Variants in MUTYH observed in about 807,000 individuals in gnomAD.
MUTYH encodes the protein mutY DNA glycosylase.
Under a neutral mutation model 72.9 loss-of-function variants are expected in MUTYH, and 64 were observed. The observed-to-expected ratio is 0.88, with a 90% CI of 0.72 to 1.08. The LOEUF (loss-of-function observed/expected upper bound fraction) is 1.08. Ranked by LOEUF, MUTYH falls within the 50% of genes least tolerant of loss-of-function variation. The pLI, the probability that MUTYH is intolerant of heterozygous loss-of-function variation, is 0.00. For synonymous variants in MUTYH, 234 were observed against 263.1 expected (o/e 0.89, Z 1.07); for missense variants, 633 against 671.0 (o/e 0.94, Z 0.63).
chr1:45,340,211 C>T (rs1060504202), upstream of MUTYH: 1 of 1,613,756 alleles, frequency 6.2e-7, no homozygotes, highest in Non-Finnish European at 8.5e-7. Flanking sequence ...ACCGCAAGTC[C>T]AGCGTACCCA....
chr1:45,339,956 G>A lies in MUTYH; in HGVS notation c.-64C>T, dbSNP rs1361288534. ...CGGAGGCCCCGCGTTCCCGCCGCGA[G>A]AGCAGGAGAGAAAGATTACCTCCCG... On this transcript the variant is annotated 5_prime_UTR_variant, in exon 1 of 16. Transcript: ENST00000456914. The A allele has an allele frequency of 6.6e-7, 1 of 1,504,864 alleles. No homozygotes were observed. The highest frequency in any genetic ancestry group is 2.7e-5 in the East Asian group (1 of 37,008). 93.2% of individuals were successfully genotyped at this position (1,504,864 alleles called of 1,614,324 possible).
intron 1 of MUTYH, chr1:45,338,053 A>T: frequency 1.9e-5 from 9 of 471,552 alleles, no homozygotes; most frequent in South Asian, 1.4e-4. Flanking sequence ...AAAGGCCCCA[A>T]GGAGGGTGCC....
intron 15 of MUTYH, 146 bp downstream of exon 15, chr1:45,330,370 G>T: frequency 1.1e-6 from 1 of 943,598 alleles, no homozygotes; most frequent in Non-Finnish European, 1.7e-6. Flanking sequence ...ACCCCACAAT[G>T]GAAGGTCTCC....
At position 45,332,483 on chromosome 1, in the gene MUTYH, G is replaced by A. The variant is rs780747266; in HGVS notation, c.612C>T (p.Thr204=). 59 of 1,613,910 alleles carry A rather than the reference G, an allele frequency of 3.7e-5. No individual in the cohort carries two copies. The highest frequency in any genetic ancestry group is 1.6e-4 in the Middle Eastern group (1 of 6,084). The part of the protein sequence containing the change: ...AIASIAFGQA[T]GVVDGNVARV... ...GTGCTACGTTGCCATCCACCACACC[G>A]GTTGCCTGGCACAGAGGGGCCAAAG... Residue 204 remains threonine (T), a synonymous_variant, in exon 9 of 16, where the codon ACC becomes ACT. Transcript: ENST00000456914.
chr1:45,330,320 G>A (rs905725793), intron 15 of MUTYH, among the ~76,000 whole-genome samples, 196 bp downstream of exon 15: 3 of 151,060 alleles, frequency 2.0e-5, no homozygotes, highest in Non-Finnish European at 2.9e-5. Flanking sequence ...CTGTGACACT[G>A]GAGAGTCCTC....
Position 45,332,018 on chromosome 1 carries a change from C to T in MUTYH, c.913+5G>A, listed in dbSNP as rs1553127245. 1 of 1,614,202 alleles carries T rather than the reference C, an allele frequency of 6.2e-7. No homozygotes were observed. The highest frequency in any genetic ancestry group is 8.5e-7 in the Non-Finnish European group (1 of 1,180,020). ...GTTGGGGTGGGGGCTAGGTTTGGTGCTCACCACACTCCTCCACGTCAGGAC... is the reference window on the plus strand; with the variant it reads ...GTTGGGGTGGGGGCTAGGTTTGGTGTTCACCACACTCCTCCACGTCAGGAC... On this transcript the variant is annotated splice_donor_5th_base_variant and intron_variant, in intron 11 of 15. Coordinates refer to ENST00000456914, the MANE Select transcript of MUTYH (RefSeq NM_001048174.2).
At chr1:45,330,216 G>C (rs2149098666) in intron 15 of MUTYH, 1 of 314,434 alleles carries the variant, frequency 3.2e-6, no homozygotes. Flanking sequence ...TTGGGTGACA[G>C]TGAGACTGTC....
chr1:45,329,263 T>C lies in MUTYH; in HGVS notation c.*43A>G. 1 of 1,613,386 alleles carries C rather than the reference T, an allele frequency of 6.2e-7. No homozygotes were observed. The highest frequency in any genetic ancestry group is 8.5e-7 in the Non-Finnish European group (1 of 1,179,378). On this transcript the variant is annotated 3_prime_UTR_variant, in exon 16 of 16. Coordinates refer to ENST00000456914, the MANE Select transcript of MUTYH (RefSeq NM_001048174.2). ...AAAATAACTACAAAAATAAGCACTT[T>C]ACTAACAACAGGATTCTCAGGGAAT...
chr1:45,332,147 C>T lies in MUTYH; in HGVS notation c.849+19G>A. The T allele has an allele frequency of 6.2e-7, 1 of 1,614,206 alleles. No homozygotes were observed. The highest frequency in any genetic ancestry group is 8.5e-7 in the Non-Finnish European group (1 of 1,180,042). On this transcript the variant is annotated intron_variant, in intron 10 of 15. Coordinates refer to ENST00000456914, the MANE Select transcript of MUTYH (RefSeq NM_001048174.2). Reference sequence around the variant, plus strand: ...TCACTCCTTAGGACTTCTCACTGCCCCTTCCCCAGTAGGCTTACTCTCTGG... The same window carrying T: ...TCACTCCTTAGGACTTCTCACTGCCTCTTCCCCAGTAGGCTTACTCTCTGG...
Position 45,339,797 on chromosome 1 carries a change from A to C in MUTYH, c.-7+102T>G, listed in dbSNP as rs1352733854. 3.1e-6 allele frequency: 4 copies of C among 1,276,642 alleles called. No homozygotes were observed. In the East Asian group the frequency reaches 1.6e-4, roughly 52 times the overall value. 79.1% of individuals were successfully genotyped at this position (1,276,642 alleles called of 1,614,324 possible). A position where few individuals can be genotyped will look rare whatever the true frequency, so the allele number is the denominator to read the frequency against. On this transcript the variant is annotated intron_variant, in intron 1 of 15. Coordinates refer to ENST00000456914, the MANE Select transcript of MUTYH (RefSeq NM_001048174.2). Reference sequence around the variant, plus strand: ...CCCAGAACGCCCTTCTTTCCCCCACACGACCCTCTCCTAGTCTAACTCCTG... The same window carrying C: ...CCCAGAACGCCCTTCTTTCCCCCACCCGACCCTCTCCTAGTCTAACTCCTG...
At chr1:45,336,539 C>T (rs567785610) in intron 1 of MUTYH, among the ~76,000 whole-genome samples, 2 of 152,158 alleles carry the variant, frequency 1.3e-5, no homozygotes, top group African/African-American at 2.4e-5. Context: ...ATCTCCCCCC[C>T]ACCCTTAAGA....
chr1:45,340,099 C>A, upstream of MUTYH: 2 of 1,551,074 alleles, frequency 1.3e-6, no homozygotes, highest in South Asian at 1.2e-5. Flanking sequence ...GCTGCCTTCC[C>A]CGCGCCGGAC....
chr1:45,337,161 TGGGATGGG>T (rs1646013998), intron 1 of MUTYH, among the ~76,000 whole-genome samples: 1 of 151,682 alleles, frequency 6.6e-6, no homozygotes. Context: ...TTTTTTTTTT[TGGGATGGG>T]GTCTCACTCT....
intron 14 of MUTYH, 130 bp from the exon 15 acceptor site, chr1:45,330,687 C>T (rs573405126): frequency 1.9e-4 from 209 of 1,111,990 alleles, no homozygotes; most frequent in East Asian, 2.9e-4. Flanking sequence ...TGGTGGCTCA[C>T]GCCTATAATC....
At chr1:45,334,072 T>C in intron 2 of MUTYH, 1 of 397,210 alleles carries the variant, frequency 2.5e-6, no homozygotes, top group East Asian at 5.8e-5. Context: ...AGTTGCATTA[T>C]CTTGACTCAG....
chr1:45,334,783 G>A (rs560931684), intron 1 of MUTYH, among the ~76,000 whole-genome samples: 3 of 152,236 alleles, frequency 2.0e-5, no homozygotes, highest in Non-Finnish European at 4.4e-5. Flanking sequence ...GGTCAAGGAT[G>A]AAAGCCTCCT....
rs1060501330 is a variant in MUTYH at position 45,330,560 on chromosome 1, A to G, written c.1393-3T>C. Reference sequence around the variant, plus strand: ...TGGCCCTGATACACACGGAAAACCTAGACAAGAAGACAGGGAGGTGAGGGC... The same window carrying G: ...TGGCCCTGATACACACGGAAAACCTGGACAAGAAGACAGGGAGGTGAGGGC... On this transcript the variant is annotated splice_polypyrimidine_tract_variant and splice_region_variant and intron_variant, in intron 14 of 15. Transcript: ENST00000456914. 2 of 1,607,572 alleles carry G rather than the reference A, an allele frequency of 1.2e-6. No individual in the cohort carries two copies. The highest frequency in any genetic ancestry group is 1.3e-5 in the African/African-American group (1 of 74,870).
upstream of MUTYH, chr1:45,340,138 A>T: frequency 6.3e-7 from 1 of 1,578,918 alleles, no homozygotes; most frequent in South Asian, 1.2e-5. Context: ...AGTTCGACCC[A>T]TCGGCGACCC....
Position 45,332,161 on chromosome 1 carries a change from C to G in MUTYH, c.849+5G>C, listed in dbSNP as rs2149136443. The G allele has an allele frequency of 6.2e-7, 1 of 1,614,194 alleles. No homozygotes were observed. The highest frequency in any genetic ancestry group is 8.5e-7 in the Non-Finnish European group (1 of 1,180,022). On this transcript the variant is annotated splice_donor_5th_base_variant and intron_variant, in intron 10 of 15. Coordinates refer to ENST00000456914, the MANE Select transcript of MUTYH (RefSeq NM_001048174.2). ...TTCTCACTGCCCCTTCCCCAGTAGG[C>G]TTACTCTCTGGCGTGCCCGGCACAG...
Sources: gnomAD v4.1 joint callset for allele counts (sites outside exome capture counted in the v4.1 genomes callset) on GRCh38, gnomAD v4.1.1 for gene constraint, MANE v1.5 for transcripts, NCBI Gene and HGNC (gene_info 2026-07-23, HGNC 2026-07-21) for gene names.